The following PRKN variants were observed in gnomAD, a reference collection of about 807,000 sequenced individuals.
PRKN encodes the protein parkin RBR E3 ubiquitin protein ligase, also known as E3 ubiquitin-protein ligase parkin.
A neutral mutation model predicts 59.5 loss-of-function variants in PRKN; 56 were observed. The ratio of observed to expected loss-of-function variants is 0.94; its 90% confidence interval spans 0.76 to 1.18. PRKN has a LOEUF of 1.18. Among genes scored for constraint, PRKN ranks in the 50% most tolerant of loss-of-function variants. The pLI, the probability that PRKN is intolerant of heterozygous loss-of-function variation, is 0.00. For synonymous variants in PRKN, 250 were observed against 222.1 expected (o/e 1.13, Z -1.12); for missense variants, 657 against 596.4 (o/e 1.10, Z -1.06).
chr6:162,601,281 A>G (rs1781699008), intron 1 of PRKN, among the ~76,000 whole-genome samples: 1 of 152,198 alleles, frequency 6.6e-6, no homozygotes, highest in Non-Finnish European at 1.5e-5. Flanking sequence ...CCTACAGTCA[A>G]TATATGAATT....
intron 2 of PRKN, among the ~76,000 whole-genome samples, chr6:162,349,392 A>C (rs2128130579): frequency 6.6e-6 from 1 of 152,238 alleles, no homozygotes; most frequent in East Asian, 1.9e-4. Context: ...GCTGGAACCC[A>C]GGAAGCAGAG....
intron 1 of PRKN, among the ~76,000 whole-genome samples, chr6:162,554,754 G>A (rs35052392): frequency 0.09 from 13,751 of 152,168 alleles, 770 homozygotes; most frequent in South Asian, 0.19. Flanking sequence ...GGAGCCAGGC[G>A]TACATTGGGA....
In PRKN at chr6:162,303,790, C is replaced by T. The variant is rs538794412; in HGVS notation, c.172-41025G>A. ...GAGAAGGAAAATAAGAAAACATTTG[C>T]TTATCTTTAAGAAAACAAGCTCAGG... is the stretch of plus-strand genomic sequence containing the variant. On this transcript the variant is annotated intron_variant, in intron 2 of 11. Coordinates refer to ENST00000366898, the MANE Select transcript of PRKN (RefSeq NM_004562.3). 1.3e-4 allele frequency among the ~76,000 whole-genome samples: 20 copies of T among 152,180 alleles called. No homozygotes were observed. In the South Asian group the frequency reaches 3.9e-3, roughly 30 times the overall value.
chr6:162,684,456 G>A (rs1002986306), intron 1 of PRKN, among the ~76,000 whole-genome samples: 6 of 152,084 alleles, frequency 3.9e-5, no homozygotes, highest in African/African-American at 1.4e-4. Context: ...TATCACCACA[G>A]CAATTAATAT....
At chr6:161,792,613 T>G (rs894722598) in intron 6 of PRKN, among the ~76,000 whole-genome samples, 1 of 152,226 alleles carries the variant, frequency 6.6e-6, no homozygotes, top group Non-Finnish European at 1.5e-5. Context: ...TTTCCTCACT[T>G]GAGGGAGAGA....
At chr6:161,642,146 C>T (rs901829411) in intron 7 of PRKN, among the ~76,000 whole-genome samples, 2 of 152,156 alleles carry the variant, frequency 1.3e-5, no homozygotes, top group South Asian at 4.1e-4. Flanking sequence ...AAAAATCTTT[C>T]CAAGCTGATT....
intron 1 of PRKN, among the ~76,000 whole-genome samples, chr6:162,660,006 ACT>A (rs1298544842): frequency 1.3e-5 from 2 of 151,906 alleles, no homozygotes; most frequent in East Asian, 3.9e-4. Context: ...TACAAAATAC[ACT>A]CTATTTTATG....
At chr6:161,802,236 G>C (rs1422689431) in intron 6 of PRKN, among the ~76,000 whole-genome samples, 1 of 151,948 alleles carries the variant, frequency 6.6e-6, no homozygotes, top group Non-Finnish European at 1.5e-5. Context: ...GGCTCCCCCT[G>C]GTCATTCAGA....
intron 2 of PRKN, among the ~76,000 whole-genome samples, chr6:162,409,545 A>C (rs1237684612): frequency 6.6e-6 from 1 of 152,166 alleles, no homozygotes; most frequent in Non-Finnish European, 1.5e-5. Flanking sequence ...GAAATTGCCA[A>C]TTTTGTAGAT....
At chr6:162,385,921 C>T (rs1786778887) in intron 2 of PRKN, among the ~76,000 whole-genome samples, 1 of 151,940 alleles carries the variant, frequency 6.6e-6, no homozygotes, top group Admixed American at 6.6e-5. Context: ...CAAATTTCAT[C>T]TATGTCAAAA....
intron 7 of PRKN, among the ~76,000 whole-genome samples, chr6:161,596,058 G>A (rs944694249): frequency 7.9e-5 from 12 of 152,176 alleles, no homozygotes; most frequent in Non-Finnish European, 1.5e-4. Context: ...ATGGGGTCGG[G>A]GTGAGGAGTG....
At chr6:161,723,823 T>C (rs1428773022) in intron 7 of PRKN, among the ~76,000 whole-genome samples, 1 of 152,106 alleles carries the variant, frequency 6.6e-6, no homozygotes, top group East Asian at 1.9e-4. Flanking sequence ...CTCATGGGTG[T>C]TTCCTGTGGA....
chr6:162,392,877 T>C (rs1278963381), intron 2 of PRKN, among the ~76,000 whole-genome samples: 3 of 152,290 alleles, frequency 2.0e-5, no homozygotes, highest in East Asian at 3.9e-4. Context: ...GAGTTAAATA[T>C]ACCAACATGG....
At chr6:161,389,019 A>T (rs1217316170) in intron 9 of PRKN, among the ~76,000 whole-genome samples, 1 of 152,242 alleles carries the variant, frequency 6.6e-6, no homozygotes, top group Non-Finnish European at 1.5e-5. Flanking sequence ...GAGACTTACA[A>T]GTTCTCAAAC....
At chr6:162,673,255 C>A (rs1779403820) in intron 1 of PRKN, among the ~76,000 whole-genome samples, 1 of 151,664 alleles carries the variant, frequency 6.6e-6, no homozygotes, top group Non-Finnish European at 1.5e-5. Context: ...TAGCTGGTGC[C>A]CAGAACAATG....
chr6:162,115,014 T>C (rs879828178), intron 4 of PRKN, among the ~76,000 whole-genome samples: 19 of 151,812 alleles, frequency 1.3e-4, no homozygotes, highest in Admixed American at 5.9e-4. Context: ...CAAAGGACTA[T>C]AAATCATGCT....
At chr6:162,543,643 G>C (rs1779008118) in intron 1 of PRKN, among the ~76,000 whole-genome samples, 1 of 152,130 alleles carries the variant, frequency 6.6e-6, no homozygotes, top group Non-Finnish European at 1.5e-5. Flanking sequence ...TGTAATACTT[G>C]TAATTACTCA....
At chr6:162,579,551 A>G (rs1405102679) in intron 1 of PRKN, among the ~76,000 whole-genome samples, 15 of 152,060 alleles carry the variant, frequency 9.9e-5, no homozygotes, top group Non-Finnish European at 8.8e-5. Context: ...TTTCACACAC[A>G]TATCCAGATT....
At chr6:162,034,190 G>T (rs55895629) in intron 5 of PRKN, among the ~76,000 whole-genome samples, 44,942 of 117,770 alleles carry the variant, frequency 0.38, 7,399 homozygotes, top group East Asian at 0.52. Context: ...TATATATAGA[G>T]AGAGAGAGAG....
Sources: gnomAD v4.1 joint callset for allele counts (sites outside exome capture counted in the v4.1 genomes callset) on GRCh38, gnomAD v4.1.1 for gene constraint, MANE v1.5 for transcripts, NCBI Gene and HGNC (gene_info 2026-07-23, HGNC 2026-07-21) for gene names.